RTL4: variants seen among roughly 807,000 people sequenced by gnomAD.
RTL4 encodes the protein retrotransposon Gag-like protein 4.
RTL4 carries 4 observed loss-of-function variants against 5.3 expected under a neutral mutation model. That is an observed-to-expected ratio of 0.75 (90% CI 0.37 to 1.72). RTL4 has a LOEUF of 1.72. Among genes scored for constraint, RTL4 ranks in the 40% most tolerant of loss-of-function variants. RTL4 has a pLI of 0.04. For missense variants in RTL4, 260 were observed against 227.1 expected, an observed-to-expected ratio of 1.14 and a Z score of -0.93; for synonymous variants, 98 against 87.3, an observed-to-expected ratio of 1.12 and a Z score of -0.68.
the RTL4 span, among the ~76,000 whole-genome samples, chrX:112,296,780 T>C: frequency 9.3e-6 from 1 of 107,389 alleles, no homozygotes; most frequent in East Asian, 2.9e-4. Context: ...CAGCTAATTT[T>C]TTTTTTTTTT....
chrX:112,236,458 G>GATATAT, the RTL4 span, among the ~76,000 whole-genome samples: 2 of 77,157 alleles, frequency 2.6e-5, no homozygotes, highest in African/African-American at 1.1e-4. Context: ...TATAGATATA[G>GATATAT]ATCTATATCT....
chrX:112,382,633 G>T, the RTL4 span, among the ~76,000 whole-genome samples: 5 of 112,278 alleles, frequency 4.5e-5, no homozygotes, highest in African/African-American at 1.6e-4. Context: ...TTTGAATAGC[G>T]TTCTGCTCAG....
At chrX:112,350,163 C>A in the RTL4 span, among the ~76,000 whole-genome samples, 2 of 110,900 alleles carry the variant, frequency 1.8e-5, no homozygotes, top group African/African-American at 6.6e-5. Flanking sequence ...TGCTGGATTA[C>A]GTTTATTGAT....
At chrX:112,098,179 A>G in the RTL4 span, among the ~76,000 whole-genome samples, 1 of 91,746 alleles carries the variant, frequency 1.1e-5, no homozygotes, top group Admixed American at 1.5e-4. Context: ...CTCATTGTTC[A>G]ATTCCCACCT....
At chrX:112,309,640 C>T in the RTL4 span, among the ~76,000 whole-genome samples, 4 of 107,537 alleles carry the variant, frequency 3.7e-5, no homozygotes, top group East Asian at 1.2e-3. Flanking sequence ...AGGCGCATGC[C>T]ACCACGCCCA....
the RTL4 span, among the ~76,000 whole-genome samples, chrX:112,296,191 T>C: frequency 9.0e-6 from 1 of 110,961 alleles, no homozygotes; most frequent in Admixed American, 9.7e-5. Context: ...ATTTCTCTTA[T>C]GCATCCCAAA....
the RTL4 span, among the ~76,000 whole-genome samples, chrX:112,129,110 G>A: frequency 9.0e-6 from 1 of 111,537 alleles, no homozygotes; most frequent in Admixed American, 9.5e-5. Context: ...TAGTTATTAG[G>A]GAACTACACA....
chrX:112,219,701 G>C, the RTL4 span, among the ~76,000 whole-genome samples: 2 of 112,132 alleles, frequency 1.8e-5, no homozygotes, highest in East Asian at 2.8e-4. Flanking sequence ...ATTTTGCCTT[G>C]AGATATTAGT....
the RTL4 span, among the ~76,000 whole-genome samples, chrX:112,249,757 A>G: frequency 1.8e-4 from 18 of 101,679 alleles, no homozygotes; most frequent in African/African-American, 6.7e-4. Flanking sequence ...TGAGCCAATT[A>G]CATATATATA....
the RTL4 span, among the ~76,000 whole-genome samples, chrX:112,411,021 G>A: frequency 1.8e-5 from 2 of 111,322 alleles, no homozygotes; most frequent in African/African-American, 3.3e-5. Flanking sequence ...TAAAATCAGC[G>A]ATGAAAATGG....
chrX:112,118,902 C>T, the RTL4 span, among the ~76,000 whole-genome samples: 2 of 110,687 alleles, frequency 1.8e-5, no homozygotes, highest in South Asian at 3.8e-4. Context: ...TTTTATTTTC[C>T]GAGATGGAGT....
the RTL4 span, among the ~76,000 whole-genome samples, chrX:112,122,222 C>T: frequency 9.0e-6 from 1 of 111,634 alleles, no homozygotes; most frequent in African/African-American, 3.3e-5. Flanking sequence ...AAATGTAGTA[C>T]ATATACATAA....
the RTL4 span, among the ~76,000 whole-genome samples, chrX:112,252,853 T>A: frequency 2.7e-5 from 3 of 111,119 alleles, no homozygotes; most frequent in South Asian, 1.2e-3. Context: ...TCCCCTTTTA[T>A]ACCTTGGTGA....
the RTL4 span, among the ~76,000 whole-genome samples, chrX:112,377,348 A>G: frequency 2.6e-4 from 29 of 111,841 alleles, no homozygotes; most frequent in Admixed American, 2.8e-3. Context: ...AGCGTAGCTT[A>G]CCTTAAACAT....
At chrX:112,162,303 T>C in the RTL4 span, among the ~76,000 whole-genome samples, 2 of 111,822 alleles carry the variant, frequency 1.8e-5, no homozygotes, top group Non-Finnish European at 3.8e-5. Context: ...GGACTCAGGT[T>C]TTCTGCTCCT....
chrX:112,135,448 T>C, the RTL4 span, among the ~76,000 whole-genome samples: 1 of 111,654 alleles, frequency 9.0e-6, no homozygotes, highest in Non-Finnish European at 1.9e-5. Flanking sequence ...TTAGATATAC[T>C]TCGCAATGAT....
At chrX:112,405,065 C>A in the RTL4 span, among the ~76,000 whole-genome samples, 1 of 111,336 alleles carries the variant, frequency 9.0e-6, no homozygotes, top group African/African-American at 3.3e-5. Flanking sequence ...AAACGATCAT[C>A]TATGAAGGGT....
chrX:112,453,130 T>G (rs755443723), upstream of RTL4, among the ~76,000 whole-genome samples: 4 of 111,365 alleles, frequency 3.6e-5, no homozygotes, highest in Middle Eastern at 4.2e-3. Flanking sequence ...GTGGTTGGAT[T>G]CATGTTTCTG....
the RTL4 span, among the ~76,000 whole-genome samples, chrX:112,111,924 CAT>C: frequency 1.8e-5 from 2 of 111,921 alleles, no homozygotes; most frequent in Admixed American, 9.5e-5. Flanking sequence ...GGGCCGCACA[CAT>C]GTGTATTTGA....
Sources: allele counts gnomAD v4.1 joint callset (sites outside exome capture counted in the v4.1 genomes callset), GRCh38; gene constraint gnomAD v4.1.1; transcripts MANE v1.5; gene names NCBI Gene and HGNC (gene_info 2026-07-23, HGNC 2026-07-21).